The following CELF2 variants were observed in gnomAD, a reference collection of about 807,000 sequenced individuals.
CELF2 encodes the protein CUGBP Elav-like family member 2, also known as CUG triplet repeat RNA-binding protein 2.
CELF2 carries 8 observed loss-of-function variants against 62.6 expected under a neutral mutation model. The ratio of observed to expected loss-of-function variants is 0.13; its 90% CI spans 0.07 to 0.23. The LOEUF is 0.23. Among genes scored for constraint, CELF2 ranks in the 10% least tolerant of loss-of-function variants. The probability of loss-of-function intolerance (pLI) is 1.00; values close to 1 mark genes in which losing one functional copy is unlikely to be tolerated. For synonymous variants in CELF2, 258 were observed against 250.0 expected (o/e 1.03, Z -0.30); for missense variants, 333 against 671.0 (o/e 0.50, Z 5.56).
the CELF2 span, among the ~76,000 whole-genome samples, chr10:10,672,060 A>G: frequency 1.3e-5 from 2 of 152,170 alleles, no homozygotes; most frequent in Non-Finnish European, 2.9e-5. Flanking sequence ...ATGTCTGTTC[A>G]GGCATTTGGC....
intron 9 of CELF2, among the ~76,000 whole-genome samples, chr10:11,289,339 C>T (rs1435216593): frequency 2.6e-5 from 4 of 152,180 alleles, no homozygotes; most frequent in African/African-American, 9.7e-5. Context: ...CCATGACCCC[C>T]TATCAGCTGC....
At chr10:10,466,838 A>G in the CELF2 span, among the ~76,000 whole-genome samples, 2 of 152,070 alleles carry the variant, frequency 1.3e-5, no homozygotes, top group Non-Finnish European at 2.9e-5. Flanking sequence ...ACATTGGCTT[A>G]TGGTAAAGTA....
intron 3 of CELF2, among the ~76,000 whole-genome samples, chr10:11,233,175 G>A (rs2069516964): frequency 2.0e-5 from 3 of 152,158 alleles, no homozygotes. Flanking sequence ...GGGCAGATTG[G>A]GCCTGGGCTA....
chr10:11,142,910 C>T (rs549649373), intron 1 of CELF2, among the ~76,000 whole-genome samples: 1 of 151,826 alleles, frequency 6.6e-6, no homozygotes, highest in African/African-American at 2.4e-5. Flanking sequence ...TTCTGTCCTC[C>T]CTCCACTGGG....
intron 1 of CELF2, among the ~76,000 whole-genome samples, chr10:11,009,663 G>T (rs2056074935): frequency 6.6e-6 from 1 of 152,190 alleles, no homozygotes; most frequent in Admixed American, 6.5e-5. Flanking sequence ...TGCTACTTCA[G>T]CCCATTCCAG....
At chr10:11,289,888 T>A (rs1035309262) in intron 9 of CELF2, among the ~76,000 whole-genome samples, 8 of 152,218 alleles carry the variant, frequency 5.3e-5, no homozygotes, top group South Asian at 2.1e-4. Context: ...GTCATTTTTT[T>A]AAAAACATGA....
At chr10:10,956,812 T>C (rs1177693724) in intron 2 of CELF2, among the ~76,000 whole-genome samples, 1 of 152,036 alleles carries the variant, frequency 6.6e-6, no homozygotes, top group Non-Finnish European at 1.5e-5. Context: ...TGTGCACCTA[T>C]AGTCCCAGCT....
the CELF2 span, among the ~76,000 whole-genome samples, chr10:10,753,290 T>C: frequency 8.8e-6 from 1 of 113,514 alleles, no homozygotes; most frequent in South Asian, 3.9e-4. Flanking sequence ...AATTCCAATT[T>C]CCAAAGCTCT....
chr10:10,911,489 G>A (rs1048595829), intron 1 of CELF2, among the ~76,000 whole-genome samples: 1 of 152,234 alleles, frequency 6.6e-6, no homozygotes, highest in Admixed American at 6.5e-5. Flanking sequence ...GAACTGCAGC[G>A]ATGCCTCTGA....
At chr10:10,668,016 T>C in the CELF2 span, among the ~76,000 whole-genome samples, 1 of 152,228 alleles carries the variant, frequency 6.6e-6, no homozygotes, top group South Asian at 2.1e-4. Context: ...TTCTCTACCA[T>C]TAAAGAGTAT....
chr10:10,885,714 T>C (rs1028613294), intron 1 of CELF2, among the ~76,000 whole-genome samples: 2 of 152,090 alleles, frequency 1.3e-5, no homozygotes, highest in African/African-American at 2.4e-5. Context: ...CTTCCAGAGG[T>C]CCTAGAAAGA....
the CELF2 span, among the ~76,000 whole-genome samples, chr10:10,756,258 G>T: frequency 6.6e-6 from 1 of 152,114 alleles, no homozygotes; most frequent in East Asian, 1.9e-4. Context: ...TTCTCATACA[G>T]CAGACCTTTC....
At chr10:11,169,604 G>A (rs1317140284) in intron 2 of CELF2, among the ~76,000 whole-genome samples, 2 of 152,202 alleles carry the variant, frequency 1.3e-5, no homozygotes, top group South Asian at 2.1e-4. Context: ...CTATAGGCTA[G>A]AGCAGCTCTT....
the CELF2 span, among the ~76,000 whole-genome samples, chr10:10,588,557 T>C: frequency 1.3e-5 from 2 of 152,188 alleles, no homozygotes; most frequent in Non-Finnish European, 2.9e-5. Context: ...GCAGCCATGC[T>C]CAATATGGTG....
intron 2 of CELF2, among the ~76,000 whole-genome samples, chr10:10,985,076 G>T (rs1301892450): frequency 2.0e-5 from 3 of 152,110 alleles, no homozygotes; most frequent in Non-Finnish European, 2.9e-5. Context: ...GGAACATTTT[G>T]GCTGGGAATT....
In CELF2 at chr10:11,098,805, G is replaced by A. The variant is rs772412675; in HGVS notation, c.75-66681G>A. ...GAACTGCTGGACAGCTGATTTGACC[G>A]AGGCTTCTTGGCTCTGCACCGGGTG... On this transcript the variant is annotated intron_variant, in intron 1 of 12. Transcript: ENST00000633077. This position sits in a 1 kb window ranked among gnomAD's most constrained non-coding sequence, Gnocchi z 4.0. 2.0e-5 allele frequency among the ~76,000 whole-genome samples: 3 copies of A among 152,134 alleles called. No homozygotes were observed. The highest frequency in any genetic ancestry group is 4.8e-5 in the African/African-American group (2 of 41,418).
chr10:10,633,093 G>T, the CELF2 span, among the ~76,000 whole-genome samples: 1 of 152,064 alleles, frequency 6.6e-6, no homozygotes, highest in Non-Finnish European at 1.5e-5. Flanking sequence ...TTATTACTGT[G>T]ATCATTACCA....
chr10:10,717,390 G>A, the CELF2 span, among the ~76,000 whole-genome samples: 4 of 150,906 alleles, frequency 2.7e-5, no homozygotes, highest in African/African-American at 4.9e-5. Flanking sequence ...AAAAAAAAAA[G>A]TATCTTAGTC....
chr10:11,320,873 G>C (rs1006355931), intron 10 of CELF2: 7 of 1,544,452 alleles, frequency 4.5e-6, no homozygotes, highest in Non-Finnish European at 6.1e-6. Flanking sequence ...GAAGCAAAAG[G>C]CTTTTACTTC....
Sources: allele counts gnomAD v4.1 joint callset (sites outside exome capture counted in the v4.1 genomes callset), GRCh38; gene constraint gnomAD v4.1.1; non-coding constraint Gnocchi (gnomAD v3.1); transcripts MANE v1.5; gene names NCBI Gene and HGNC (gene_info 2026-07-23, HGNC 2026-07-21).